RBMS3: variants seen among roughly 807,000 people sequenced by gnomAD.
RBMS3 encodes RNA-binding motif, single-stranded-interacting protein 3.
Under a neutral mutation model 66.8 loss-of-function variants are expected in RBMS3, and 27 were observed. That is an observed-to-expected ratio of 0.40 (90% CI 0.30 to 0.56). The LOEUF (loss-of-function observed/expected upper bound fraction) is 0.56. RBMS3 is among the 20% of genes least tolerant of loss of function. The pLI, the probability that RBMS3 is intolerant of heterozygous loss-of-function variation, is 0.40. For missense variants in RBMS3, 513 were observed against 549.5 expected, an observed-to-expected ratio of 0.93 and a Z score of 0.66; for synonymous variants, 188 against 183.0, an observed-to-expected ratio of 1.03 and a Z score of -0.22.
chr3:29,692,699 C>T (rs2052085210), intron 4 of RBMS3, among the ~76,000 whole-genome samples: 1 of 152,122 alleles, frequency 6.6e-6, no homozygotes, highest in Non-Finnish European at 1.5e-5. Context: ...AAGCACATCG[C>T]AAATGTGAAT....
chr3:29,632,577 G>A (rs1005156580), intron 4 of RBMS3, among the ~76,000 whole-genome samples: 5 of 151,634 alleles, frequency 3.3e-5, no homozygotes, highest in African/African-American at 9.7e-5. Context: ...TGTGTGGGTC[G>A]CGTTTTTGAT....
intron 12 of RBMS3, among the ~76,000 whole-genome samples, chr3:29,986,467 T>A (rs1376033561): frequency 1.3e-5 from 2 of 152,164 alleles, no homozygotes; most frequent in Non-Finnish European, 2.9e-5. Context: ...CAGGCAGCAT[T>A]GCTGAAATAC....
At chr3:29,459,655 G>C (rs143490618) in intron 2 of RBMS3, among the ~76,000 whole-genome samples, 105 of 152,316 alleles carry the variant, frequency 6.9e-4, no homozygotes, top group African/African-American at 2.5e-3. Context: ...TAAAGGCCCA[G>C]CCCATGAGGA....
intron 6 of RBMS3, among the ~76,000 whole-genome samples, chr3:29,812,802 T>A (rs1423045382): frequency 6.6e-6 from 1 of 152,196 alleles, no homozygotes; most frequent in South Asian, 2.1e-4. Context: ...GGAAAGACGA[T>A]GTCTCCTACT....
intron 12 of RBMS3, among the ~76,000 whole-genome samples, chr3:29,976,981 T>G (rs925705449): frequency 2.0e-5 from 3 of 152,134 alleles, no homozygotes; most frequent in African/African-American, 7.2e-5. Context: ...ACTACTTGCT[T>G]TTGAAAGTAA....
At chr3:29,616,697 A>T (rs1245035330) in intron 4 of RBMS3, 1 of 152,142 alleles carries the variant, frequency 6.6e-6, no homozygotes. Flanking sequence ...CATGTCCCTC[A>T]ATAAATTTAC....
intron 12 of RBMS3, among the ~76,000 whole-genome samples, chr3:29,984,603 G>T (rs543925615): frequency 6.6e-6 from 1 of 152,138 alleles, no homozygotes; most frequent in Non-Finnish European, 1.5e-5. Context: ...TTTTTGTATG[G>T]ATGTCCTTTT....
At chr3:29,765,208 C>G (rs1317475107) in intron 6 of RBMS3, among the ~76,000 whole-genome samples, 1 of 151,940 alleles carries the variant, frequency 6.6e-6, no homozygotes, top group Non-Finnish European at 1.5e-5. Flanking sequence ...AGTATAATTA[C>G]TAAGTCATAA....
At chr3:29,470,432 T>C (rs964906892) in intron 2 of RBMS3, among the ~76,000 whole-genome samples, 3 of 152,082 alleles carry the variant, frequency 2.0e-5, no homozygotes, top group Non-Finnish European at 1.5e-5. Context: ...TAAATAGCTA[T>C]ATCAGTTATT....
chr3:29,987,339 T>C (rs1362781847), intron 12 of RBMS3, among the ~76,000 whole-genome samples: 5 of 152,194 alleles, frequency 3.3e-5, no homozygotes, highest in African/African-American at 1.2e-4. Flanking sequence ...TGAATATGGG[T>C]CATACTTTAT....
Position 29,868,947 on chromosome 3 carries a change from T to G in RBMS3, c.727T>G (p.Trp243Gly). The change falls in exon 7 of 15, where the codon TGG becomes GGG. Residue 243 changes from tryptophan to glycine, a missense_variant. By Grantham distance (184) the Trp-to-Gly change is radical. Transcript: ENST00000383767. ...QSKYTQNGRP[W>G]PREGEAGMAL... ...CAAATATACCCAGAATGGGAGGCCT[T>G]GGCCCAGGGAAGGAGAGGTGAGTCC... is the stretch of plus-strand genomic sequence containing the variant. 6.3e-7 allele frequency: 1 copy of G among 1,597,936 alleles called. No individual in the cohort carries two copies. The highest frequency in any genetic ancestry group is 1.1e-5 in the South Asian group (1 of 88,184).
chr3:30,009,308 T>A lies in RBMS3; in HGVS notation c.*5446T>A, dbSNP rs1699892812. Reference sequence around the variant, plus strand: ...TGTTTCCTTTTATTAGCATGTCACCTGAGGGTGGAACAAACAATTGGAAAT... The same window carrying A: ...TGTTTCCTTTTATTAGCATGTCACCAGAGGGTGGAACAAACAATTGGAAAT... On this transcript the variant is annotated 3_prime_UTR_variant, in exon 15 of 15. Coordinates refer to ENST00000383767, the MANE Select transcript of RBMS3 (RefSeq NM_001003793.3). The A allele has an allele frequency of 6.6e-6, 1 of 152,140 alleles. No individual in the cohort carries two copies. The highest frequency in any genetic ancestry group is 2.1e-4 in the South Asian group (1 of 4,834). 9.4% of individuals were successfully genotyped at this position (152,140 alleles called of 1,614,324 possible).
chr3:29,622,728 C>G (rs2048909878), intron 4 of RBMS3, among the ~76,000 whole-genome samples: 1 of 152,180 alleles, frequency 6.6e-6, no homozygotes, highest in African/African-American at 2.4e-5. Flanking sequence ...TGGAGCCAGA[C>G]TGCCCCAGTT....
intron 1 of RBMS3, among the ~76,000 whole-genome samples, chr3:29,310,405 A>G (rs2034301038): frequency 6.6e-6 from 1 of 151,718 alleles, no homozygotes; most frequent in Non-Finnish European, 1.5e-5. Flanking sequence ...TTGAAACACA[A>G]GAGACTGTTA....
intron 14 of RBMS3, among the ~76,000 whole-genome samples, chr3:30,003,022 T>G: frequency 6.6e-6 from 1 of 152,056 alleles, no homozygotes; most frequent in East Asian, 1.9e-4. Flanking sequence ...AACTTTTTGC[T>G]GGCATCCAAT....
At chr3:29,817,947 A>T (rs2057960901) in intron 6 of RBMS3, among the ~76,000 whole-genome samples, 1 of 152,144 alleles carries the variant, frequency 6.6e-6, no homozygotes, top group African/African-American at 2.4e-5. Flanking sequence ...TTGAAGATTG[A>T]TTGCCACCTG....
chr3:29,518,096 G>C (rs1260261112), intron 3 of RBMS3, among the ~76,000 whole-genome samples: 1 of 152,078 alleles, frequency 6.6e-6, no homozygotes, highest in Non-Finnish European at 1.5e-5. Flanking sequence ...CTCTTTCTGA[G>C]AGCAGGGCAT....
chr3:29,639,570 AT>A (rs2049610614), intron 4 of RBMS3, among the ~76,000 whole-genome samples: 1 of 149,798 alleles, frequency 6.7e-6, no homozygotes, highest in Non-Finnish European at 1.5e-5. Flanking sequence ...AATATACACT[AT>A]AGATGATAGA....
At chr3:29,351,309 G>A (rs564585074) in intron 1 of RBMS3, among the ~76,000 whole-genome samples, 9 of 152,172 alleles carry the variant, frequency 5.9e-5, no homozygotes, top group Admixed American at 3.3e-4. Flanking sequence ...AAGAAATCCT[G>A]AGTTTTCTGT....
Sources: gnomAD v4.1 joint callset for allele counts (sites outside exome capture counted in the v4.1 genomes callset) on GRCh38, gnomAD v4.1.1 for gene constraint, MANE v1.5 for transcripts, NCBI Gene and HGNC (gene_info 2026-07-23, HGNC 2026-07-21) for gene names.